The following SCN2A variants were observed in gnomAD, a reference collection of about 807,000 sequenced individuals.
SCN2A encodes the protein sodium voltage-gated channel alpha subunit 2.
Under a neutral mutation model 188.7 loss-of-function variants are expected in SCN2A, and 20 were observed. The observed-to-expected ratio is 0.11, with a 90% CI of 0.07 to 0.15. The LOEUF is 0.15. SCN2A is among the 10% of genes least tolerant of loss of function. The pLI is 1.00. For missense variants in SCN2A, 1,278 were observed against 2,445.0 expected, an observed-to-expected ratio of 0.52 and a Z score of 10.07; for synonymous variants, 804 against 833.1, an observed-to-expected ratio of 0.97 and a Z score of 0.60.
Position 165,389,986 on chromosome 2 carries a change from C to G in SCN2A, c.*162C>G. On this transcript the variant is annotated 3_prime_UTR_variant, in exon 27 of 27. Coordinates refer to ENST00000375437, the MANE Select transcript of SCN2A (RefSeq NM_001040142.2). This position sits in a 1 kb window ranked among gnomAD's most constrained non-coding sequence, Gnocchi z 4.2. ...CTATAACAAGACAGAGACCTCTGGTCAGCAAACTGGAACTCAGTAAACTGG... is the reference window on the plus strand; with the variant it reads ...CTATAACAAGACAGAGACCTCTGGTGAGCAAACTGGAACTCAGTAAACTGG... The G allele has an allele frequency of 8.4e-7, 1 of 1,186,896 alleles. No individual in the cohort carries two copies. The highest frequency in any genetic ancestry group is 1.1e-6 in the Non-Finnish European group (1 of 872,826). 73.5% of individuals were successfully genotyped at this position (1,186,896 alleles called of 1,614,324 possible).
At chr2:165,294,040 A>ATTTTT in intron 1 of SCN2A, 4 of 629,742 alleles carry the variant, frequency 6.4e-6, no homozygotes, top group South Asian at 7.5e-5. Context: ...AAAAAAAAAG[A>ATTTTT]TTTTTTTTTT....
intron 15 of SCN2A, 81 bp downstream of exon 15, chr2:165,342,550 TCC>T: frequency 7.1e-7 from 1 of 1,414,466 alleles, no homozygotes; most frequent in Non-Finnish European, 1.0e-6. Flanking sequence ...TGGCAAGATT[TCC>T]CATCATTATA....
At chr2:165,291,506 T>C (rs1559340431) in intron 1 of SCN2A, among the ~76,000 whole-genome samples, 25 of 139,028 alleles carry the variant, frequency 1.8e-4, no homozygotes, top group African/African-American at 6.5e-4. Context: ...TTTCTTTCTT[T>C]CTTTCTTCCT....
At chr2:165,267,798 G>T (rs1200408322) in intron 1 of SCN2A, 1 of 151,134 alleles carries the variant, frequency 6.6e-6, no homozygotes, top group African/African-American at 2.4e-5. Context: ...GGACCTAAAT[G>T]GACATTTCTC....
intron 25 of SCN2A, 111 bp from the exon 26 acceptor site, chr2:165,386,635 A>G: frequency 1.8e-6 from 2 of 1,093,898 alleles, no homozygotes; most frequent in Non-Finnish European, 2.6e-6. Context: ...TGAGGATTAA[A>G]GATGTGTTTT....
chr2:165,239,442 G>A lies in SCN2A; in HGVS notation c.-250G>A. 6.4e-6 allele frequency: 1 copy of A among 156,626 alleles called. No homozygotes were observed. The allele number at this position is 156,626 out of a possible 1,614,324, so 9.7% of individuals were successfully genotyped here. A position where few individuals can be genotyped will look rare whatever the true frequency, so the allele number is the denominator to read the frequency against. ...AGACATTGGGTACCATCGAATGACT[G>A]TCAGAACAGAAAGCTAAGGCAAAGG... is the stretch of plus-strand genomic sequence containing the variant. On this transcript the variant is annotated 5_prime_UTR_variant, in exon 1 of 27. Coordinates refer to ENST00000375437, the MANE Select transcript of SCN2A (RefSeq NM_001040142.2).
intron 19 of SCN2A, among the ~76,000 whole-genome samples, chr2:165,368,116 G>A (rs73025941): frequency 0.026 from 4,022 of 152,180 alleles, 191 homozygotes; most frequent in African/African-American, 0.091. Flanking sequence ...TATTGCCAGC[G>A]AAAGTGGCTC....
At chr2:165,258,830 G>A (rs1035992778) in intron 1 of SCN2A, among the ~76,000 whole-genome samples, 2 of 152,152 alleles carry the variant, frequency 1.3e-5, no homozygotes, top group African/African-American at 4.8e-5. Flanking sequence ...AACTAACTGA[G>A]GAACATAAAA....
Position 165,389,062 on chromosome 2 carries a change from G to A in SCN2A, c.5256G>A (p.Gly1752=), listed in dbSNP as rs778057743. 3.7e-6 allele frequency: 6 copies of A among 1,613,892 alleles called. No individual in the cohort carries two copies. Among genetic ancestry groups the A allele is most frequent in the Non-Finnish European group, 5.1e-6 (6 of 1,180,008 alleles). Reference sequence around the variant, plus strand: ...GAGACTGTGGGAACCCATCTGTTGGGATTTTCTTTTTTGTCAGTTACATCA... The same window carrying A: ...GAGACTGTGGGAACCCATCTGTTGGAATTTTCTTTTTTGTCAGTTACATCA... ...VKGDCGNPSV[G]IFFFVSYIII... Residue 1752 remains glycine (G), a synonymous_variant, in exon 27 of 27, where the codon GGG becomes GGA. Coordinates refer to ENST00000375437, the MANE Select transcript of SCN2A (RefSeq NM_001040142.2). The surrounding 1 kb of genome is among the most constrained non-coding windows in gnomAD (Gnocchi z 4.2).
At chr2:165,345,530 G>T (rs887868790) in intron 16 of SCN2A, among the ~76,000 whole-genome samples, 1 of 151,258 alleles carries the variant, frequency 6.6e-6, no homozygotes, top group Admixed American at 6.6e-5. Context: ...CAAAGACTAG[G>T]ATTGCAAACC....
intron 1 of SCN2A, among the ~76,000 whole-genome samples, chr2:165,281,696 A>G (rs1005205267): frequency 5.9e-5 from 9 of 152,120 alleles, no homozygotes. Context: ...GAATCTGGCT[A>G]CCACATTGAG....
intron 1 of SCN2A, among the ~76,000 whole-genome samples, chr2:165,263,908 G>T (rs1336450923): frequency 4.1e-5 from 6 of 147,234 alleles, no homozygotes; most frequent in Non-Finnish European, 6.0e-5. Context: ...TGCAGCTATT[G>T]TAAAAGGGGT....
chr2:165,341,705 G>C (rs1159447052), intron 14 of SCN2A, among the ~76,000 whole-genome samples: 2 of 152,152 alleles, frequency 1.3e-5, no homozygotes, highest in African/African-American at 4.8e-5. Flanking sequence ...TTCTCAGATG[G>C]GAAGGCATAA....
rs796053109 is a variant in SCN2A at position 165,294,115 on chromosome 2, G to T, written c.-51-1658G>T. ...GCCAGCTTATCAATCCCAAACTCTG[G>T]GTGTAAAAGATTCTACAGGGGTAAT... On this transcript the variant is annotated intron_variant, in intron 1 of 26. Transcript: ENST00000375437. 14 of 980,858 alleles carry T rather than the reference G, an allele frequency of 1.4e-5. No individual in the cohort carries two copies. The East Asian group carries it at 8.1e-4, about 56-fold the overall frequency. 60.8% of individuals were successfully genotyped at this position (980,858 alleles called of 1,614,324 possible). A position where few individuals can be genotyped will look rare whatever the true frequency, so the allele number is the denominator to read the frequency against.
intron 1 of SCN2A, chr2:165,245,413 G>A (rs570070690): frequency 6.6e-6 from 1 of 152,364 alleles, no homozygotes; most frequent in Admixed American, 6.5e-5. Context: ...CGCCATGATT[G>A]TAAATTTCCT....
At chr2:165,336,151 A>T (rs1017157316) in intron 14 of SCN2A, among the ~76,000 whole-genome samples, 1 of 151,930 alleles carries the variant, frequency 6.6e-6, no homozygotes, top group African/African-American at 2.4e-5. Context: ...TTACTTTGAG[A>T]ATATAAAATG....
intron 19 of SCN2A, among the ~76,000 whole-genome samples, chr2:165,369,353 G>T (rs568141243): frequency 6.6e-6 from 1 of 152,304 alleles, no homozygotes; most frequent in South Asian, 2.1e-4. Context: ...TGCACAACGT[G>T]CTGGCACAGT....
At chr2:165,318,486 G>C (rs1559359204) in intron 11 of SCN2A, among the ~76,000 whole-genome samples, 1 of 152,080 alleles carries the variant, frequency 6.6e-6, no homozygotes, top group Non-Finnish European at 1.5e-5. Context: ...CATCTTTTTT[G>C]TGTGTTACAG....
chr2:165,242,834 AGG>A (rs1418389127), intron 1 of SCN2A, among the ~76,000 whole-genome samples: 1 of 152,184 alleles, frequency 6.6e-6, no homozygotes, highest in Admixed American at 6.5e-5. Context: ...ACAGGAAGAA[AGG>A]GTGGTTGATG....
Sources: allele counts gnomAD v4.1 joint callset (sites outside exome capture counted in the v4.1 genomes callset), GRCh38; gene constraint gnomAD v4.1.1; non-coding constraint Gnocchi (gnomAD v3.1); transcripts MANE v1.5; gene names NCBI Gene and HGNC (gene_info 2026-07-23, HGNC 2026-07-21).